LRRC4C: variants seen among roughly 807,000 people sequenced by gnomAD.
LRRC4C encodes the protein leucine-rich repeat-containing protein 4C.
Under a neutral mutation model 33.6 loss-of-function variants are expected in LRRC4C, and 5 were observed. That is an observed-to-expected ratio of 0.15 (90% CI 0.08 to 0.31). The LOEUF is 0.31. LRRC4C is among the 10% of genes least tolerant of loss of function. LRRC4C has a pLI of 1.00. For missense variants in LRRC4C, 560 were observed against 796.7 expected (o/e 0.70, Z 3.58); for synonymous variants, 329 against 302.0 (o/e 1.09, Z -0.93).
intron 3 of LRRC4C, among the ~76,000 whole-genome samples, chr11:40,548,565 CT>C (rs1164790136): frequency 2.0e-5 from 3 of 152,006 alleles, no homozygotes; most frequent in African/African-American, 4.8e-5. Flanking sequence ...CAAGAAATTT[CT>C]CTTATTTAAG....
chr11:41,056,242 C>T (rs1019049623), intron 1 of LRRC4C, among the ~76,000 whole-genome samples: 5 of 152,136 alleles, frequency 3.3e-5, no homozygotes, highest in African/African-American at 1.2e-4. Flanking sequence ...CTCCAGCCCT[C>T]ACAATCCAAG....
rs549000778 is a variant in LRRC4C at position 40,843,396 on chromosome 11, A to G, written c.-407+90239T>C. Among the ~76,000 whole-genome samples, 5 of 152,196 alleles carry G rather than the reference A, an allele frequency of 3.3e-5. No homozygotes were observed. The South Asian group carries it at 8.3e-4, about 25-fold the overall frequency. On this transcript the variant is annotated intron_variant, in intron 2 of 6. Transcript: ENST00000528697. ...CATTTCCTATAGTTTTTACTTCCCA[A>G]TGGGCTGACATTCCCTACTAGCATC...
intron 2 of LRRC4C, among the ~76,000 whole-genome samples, chr11:40,784,516 G>A (rs1345669031): frequency 6.6e-6 from 1 of 152,184 alleles, no homozygotes; most frequent in Non-Finnish European, 1.5e-5. Flanking sequence ...ATCAAGCAAT[G>A]ATAGTAACAT....
intron 1 of LRRC4C, among the ~76,000 whole-genome samples, chr11:41,147,458 G>T (rs892273634): frequency 6.6e-6 from 1 of 152,122 alleles, no homozygotes; most frequent in African/African-American, 2.4e-5. Flanking sequence ...AATTATGCTT[G>T]GTACATCAAC....
chr11:40,839,073 T>A (rs895307230), intron 2 of LRRC4C, among the ~76,000 whole-genome samples: 9 of 152,174 alleles, frequency 5.9e-5, no homozygotes, highest in African/African-American at 2.2e-4. Context: ...TAATATGTTT[T>A]TCAGCATTTT....
rs117684217 is a variant in LRRC4C, at chr11:40,787,266, G to T, written c.-406-138988C>A. ...TTGTTCTGTTAATTGCCAACTGGGG[G>T]GGGTAGGGGGAGGAACAGAGGGAAC... On this transcript the variant is annotated intron_variant, in intron 2 of 6. Transcript: ENST00000528697. Among the ~76,000 whole-genome samples, 108 of 152,236 alleles carry T rather than the reference G, an allele frequency of 7.1e-4. 1 individual carries two copies. Among genetic ancestry groups the T allele is most frequent in the African/African-American group, 2.6e-3 (106 of 41,496 alleles).
intron 3 of LRRC4C, among the ~76,000 whole-genome samples, chr11:40,513,294 T>G (rs1806519594): frequency 2.0e-5 from 3 of 149,746 alleles, no homozygotes; most frequent in African/African-American, 4.9e-5. Context: ...AAATCCACTC[T>G]AACAATTCTT....
intron 1 of LRRC4C, among the ~76,000 whole-genome samples, chr11:41,281,344 C>A (rs1380831433): frequency 6.6e-6 from 1 of 152,140 alleles, no homozygotes; most frequent in Non-Finnish European, 1.5e-5. Flanking sequence ...ATTCATCTTG[C>A]TGCTTTCTAA....
intron 5 of LRRC4C, among the ~76,000 whole-genome samples, chr11:40,156,962 G>C (rs1467735471): frequency 1.3e-5 from 2 of 151,968 alleles, no homozygotes. Context: ...GCCAAAGCAA[G>C]ACTAAGCAAA....
intron 3 of LRRC4C, among the ~76,000 whole-genome samples, chr11:40,608,643 A>T (rs1208380847): frequency 6.6e-6 from 1 of 152,152 alleles, no homozygotes. Context: ...TAAAGGAAAA[A>T]ATAAGTTCCA....
intron 1 of LRRC4C, among the ~76,000 whole-genome samples, chr11:41,098,560 A>G (rs1005664732): frequency 3.3e-5 from 5 of 152,178 alleles, no homozygotes; most frequent in Non-Finnish European, 1.5e-5. Context: ...AAAATATTTC[A>G]GCGCTAAGTG....
At chr11:40,191,070 C>T (rs1481519683) in intron 5 of LRRC4C, among the ~76,000 whole-genome samples, 3 of 152,086 alleles carry the variant, frequency 2.0e-5, no homozygotes, top group South Asian at 2.1e-4. Context: ...TAGCATTATG[C>T]CGAGCACCTC....
chr11:40,574,851 C>A (rs1456615285), intron 3 of LRRC4C, among the ~76,000 whole-genome samples: 1 of 152,156 alleles, frequency 6.6e-6, no homozygotes, highest in Non-Finnish European at 1.5e-5. Context: ...GCTGCTCTTG[C>A]CCACCTTGAC....
intron 1 of LRRC4C, among the ~76,000 whole-genome samples, chr11:41,438,068 A>AATAAATAC (rs1441537821): frequency 6.6e-6 from 1 of 150,916 alleles, no homozygotes; most frequent in African/African-American, 2.4e-5. Context: ...TAAATAAATA[A>AATAAATAC]ATAATAAAAA....
intron 6 of LRRC4C, among the ~76,000 whole-genome samples, chr11:40,125,728 A>G (rs1385062077): frequency 6.6e-6 from 1 of 152,206 alleles, no homozygotes; most frequent in Non-Finnish European, 1.5e-5. Flanking sequence ...TCATGCTAAG[A>G]AGGATTTCTA....
At chr11:41,117,899 G>A (rs1215001089) in intron 1 of LRRC4C, among the ~76,000 whole-genome samples, 1 of 152,090 alleles carries the variant, frequency 6.6e-6, no homozygotes, top group African/African-American at 2.4e-5. Context: ...AATATTCCAT[G>A]CACCATAAAA....
At chr11:40,538,940 C>A (rs985959725) in intron 3 of LRRC4C, among the ~76,000 whole-genome samples, 1 of 152,084 alleles carries the variant, frequency 6.6e-6, no homozygotes, top group Non-Finnish European at 1.5e-5. Flanking sequence ...TAAATGTCTT[C>A]TTTTGAGAAG....
intron 2 of LRRC4C, among the ~76,000 whole-genome samples, chr11:40,811,869 G>A (rs1390958614): frequency 2.0e-5 from 3 of 152,082 alleles, no homozygotes; most frequent in African/African-American, 7.2e-5. Flanking sequence ...TCATTCATGG[G>A]TTTCAATGTC....
chr11:40,930,069 G>C (rs1205669182), intron 2 of LRRC4C, among the ~76,000 whole-genome samples: 1 of 152,122 alleles, frequency 6.6e-6, no homozygotes, highest in Non-Finnish European at 1.5e-5. Flanking sequence ...CCAGGGCTTA[G>C]GGAGCCATAA....
Sources: gnomAD v4.1 joint callset for allele counts (sites outside exome capture counted in the v4.1 genomes callset) on GRCh38, gnomAD v4.1.1 for gene constraint, MANE v1.5 for transcripts, NCBI Gene and HGNC (gene_info 2026-07-23, HGNC 2026-07-21) for gene names.